LAMA2: variants seen among roughly 807,000 people sequenced by gnomAD.
LAMA2 encodes the protein laminin subunit alpha 2, also known as laminin subunit alpha-2.
LAMA2 carries 269 observed loss-of-function variants against 364.8 expected under a neutral mutation model. That is an observed-to-expected ratio of 0.74 (90% CI 0.67 to 0.82). LAMA2 has a LOEUF of 0.82. Ranked by LOEUF, LAMA2 falls within the 40% of genes least tolerant of loss-of-function variation. LAMA2 has a pLI of 0.00. For missense variants in LAMA2, 3,807 were observed against 3,873.2 expected (o/e 0.98, Z 0.45); for synonymous variants, 1,379 against 1,370.6 (o/e 1.01, Z -0.14).
At chr6:129,482,587 G>A (rs1253417083) in intron 55 of LAMA2, among the ~76,000 whole-genome samples, 1 of 152,016 alleles carries the variant, frequency 6.6e-6, no homozygotes, top group Non-Finnish European at 1.5e-5. Flanking sequence ...GTGATTACGT[G>A]TTTTAAAAAT....
chr6:129,034,665 C>T (rs568911989), intron 1 of LAMA2, among the ~76,000 whole-genome samples: 5 of 152,006 alleles, frequency 3.3e-5, no homozygotes, highest in Admixed American at 6.6e-5. Context: ...TCTATTATTT[C>T]CATCTTTGTT....
chr6:129,176,565 TG>T (rs1780606404), intron 9 of LAMA2, among the ~76,000 whole-genome samples: 1 of 152,122 alleles, frequency 6.6e-6, no homozygotes, highest in African/African-American at 2.4e-5. Context: ...TATATTTTGT[TG>T]TCCACATATT....
chr6:129,170,258 G>A (rs1169266351), intron 9 of LAMA2, among the ~76,000 whole-genome samples: 198 of 146,266 alleles, frequency 1.4e-3, no homozygotes, highest in African/African-American at 5.0e-3. Flanking sequence ...TGATGTTAGG[G>A]TGTCAATTTT....
At chr6:129,053,556 G>T (rs1788243838) in intron 2 of LAMA2, among the ~76,000 whole-genome samples, 1 of 152,072 alleles carries the variant, frequency 6.6e-6, no homozygotes. Context: ...AAGGGAAACA[G>T]ATTTCAAGGG....
intron 35 of LAMA2, among the ~76,000 whole-genome samples, chr6:129,390,157 C>T (rs117598117): frequency 0.024 from 3,663 of 152,170 alleles, 70 homozygotes; most frequent in Non-Finnish European, 0.033. Context: ...TCTACTATCC[C>T]AGTGTTTCTC....
At chr6:128,975,236 A>T (rs932092782) in intron 1 of LAMA2, among the ~76,000 whole-genome samples, 1 of 152,234 alleles carries the variant, frequency 6.6e-6, no homozygotes, top group Admixed American at 6.5e-5. Context: ...TATTAGGACC[A>T]TATGGCAGAA....
At chr6:129,073,264 G>T (rs1252497479) in intron 3 of LAMA2, among the ~76,000 whole-genome samples, 1 of 151,966 alleles carries the variant, frequency 6.6e-6, no homozygotes. Context: ...TTGGAAACAA[G>T]ATCATTTTTC....
chr6:129,349,669 C>A (rs1479710531), intron 31 of LAMA2, among the ~76,000 whole-genome samples: 2 of 150,934 alleles, frequency 1.3e-5, no homozygotes, highest in African/African-American at 4.9e-5. Flanking sequence ...GTAAATATAA[C>A]ATTTCATAAG....
At position 129,205,643 on chromosome 6, in the gene LAMA2, G is replaced by A. The variant is rs144030866; in HGVS notation, c.1782+12790G>A. 2.0e-3 allele frequency among the ~76,000 whole-genome samples: 296 copies of A among 151,746 alleles called. 3 individuals carry two copies. In the East Asian group the frequency reaches 0.048, roughly 25 times the overall value. On this transcript the variant is annotated intron_variant, in intron 12 of 64. Coordinates refer to ENST00000421865, the MANE Select transcript of LAMA2 (RefSeq NM_000426.4). ...TGATTAAATGAGTTTTGGTACACTC[G>A]TGCCATCAAACACTATAAAATTATT... is the stretch of plus-strand genomic sequence containing the variant.
intron 1 of LAMA2, among the ~76,000 whole-genome samples, chr6:129,005,276 C>T (rs1433117371): frequency 6.6e-6 from 1 of 151,840 alleles, no homozygotes; most frequent in African/African-American, 2.4e-5. Context: ...TTCCCTATCT[C>T]CTTTATTTTC....
chr6:129,161,661 C>A (rs1465248303), intron 8 of LAMA2, among the ~76,000 whole-genome samples: 2 of 152,188 alleles, frequency 1.3e-5, no homozygotes, highest in South Asian at 2.1e-4. Context: ...CCCTCCCACC[C>A]TTTTCAAGCA....
intron 1 of LAMA2, chr6:128,929,556 A>G: frequency 9.9e-7 from 1 of 1,006,768 alleles, no homozygotes; most frequent in Middle Eastern, 2.1e-4. Context: ...AATTATCTCC[A>G]TAGTCATGAG....
intron 2 of LAMA2, among the ~76,000 whole-genome samples, chr6:129,051,193 A>AAT (rs66964687): frequency 6.8e-6 from 1 of 147,654 alleles, no homozygotes; most frequent in Non-Finnish European, 1.5e-5. Context: ...GTATATATAT[A>AAT]ATATATATAT....
At chr6:129,482,278 T>A (rs1025160456) in intron 55 of LAMA2, among the ~76,000 whole-genome samples, 1 of 152,264 alleles carries the variant, frequency 6.6e-6, no homozygotes, top group Non-Finnish European at 1.5e-5. Context: ...AAACTTTTTT[T>A]AAAAAAGAGT....
intron 12 of LAMA2, among the ~76,000 whole-genome samples, chr6:129,228,561 C>T (rs1326855710): frequency 6.6e-6 from 1 of 152,078 alleles, no homozygotes; most frequent in Non-Finnish European, 1.5e-5. Flanking sequence ...TTTCATTTCT[C>T]ATACTTCAAA....
chr6:129,268,836 G>A (rs1425499138), intron 16 of LAMA2, among the ~76,000 whole-genome samples: 1 of 151,962 alleles, frequency 6.6e-6, no homozygotes, highest in Non-Finnish European at 1.5e-5. Flanking sequence ...TGATCATGTA[G>A]GATATACTGA....
intron 2 of LAMA2, among the ~76,000 whole-genome samples, chr6:129,053,198 C>T (rs564394950): frequency 1.3e-5 from 2 of 152,252 alleles, no homozygotes; most frequent in Admixed American, 6.5e-5. Flanking sequence ...TCTGCCTCAG[C>T]CTCCTGAGAG....
intron 1 of LAMA2, among the ~76,000 whole-genome samples, chr6:128,943,414 G>A (rs1582736375): frequency 6.6e-6 from 1 of 151,806 alleles, no homozygotes; most frequent in African/African-American, 2.4e-5. Context: ...CTTCTGAGTG[G>A]CTGGGACTCC....
chr6:129,142,211 C>T (rs576836540), intron 4 of LAMA2, among the ~76,000 whole-genome samples: 8 of 151,986 alleles, frequency 5.3e-5, no homozygotes, highest in East Asian at 1.9e-4. Context: ...TCAGTTTGGG[C>T]GGCCATAAGA....
Sources: allele counts gnomAD v4.1 joint callset (sites outside exome capture counted in the v4.1 genomes callset), GRCh38; gene constraint gnomAD v4.1.1; transcripts MANE v1.5; gene names NCBI Gene and HGNC (gene_info 2026-07-23, HGNC 2026-07-21).